Variants in ANKS1B observed in about 807,000 individuals in gnomAD.
The protein encoded by ANKS1B is ankyrin repeat and sterile alpha motif domain containing 1B.
ANKS1B carries 36 observed loss-of-function variants against 148.3 expected under a neutral mutation model. The observed-to-expected ratio is 0.24, with a 90% confidence interval of 0.19 to 0.32. The LOEUF (loss-of-function observed/expected upper bound fraction) is 0.32. Among genes scored for constraint, ANKS1B ranks in the 10% least tolerant of loss-of-function variants. The pLI is 1.00. For missense variants in ANKS1B, 1,157 were observed against 1,542.6 expected (o/e 0.75, Z 4.19); for synonymous variants, 542 against 560.8 (o/e 0.97, Z 0.47).
In ANKS1B at chr12:98,745,053, A is replaced by C; in HGVS notation, c.*686T>G. 5 of 985,286 alleles carry C rather than the reference A, an allele frequency of 5.1e-6. No individual in the cohort carries two copies. The highest frequency in any genetic ancestry group is 6.0e-6 in the Non-Finnish European group (5 of 829,398). The allele number at this position is 985,286 out of a possible 1,614,324, so 61.0% of individuals were successfully genotyped here. A position where few individuals can be genotyped will look rare whatever the true frequency, so the allele number is the denominator to read the frequency against. On this transcript the variant is annotated 3_prime_UTR_variant, in exon 27 of 27. Coordinates refer to ENST00000683438, the MANE Select transcript of ANKS1B (RefSeq NM_001352186.2). ...CATTCTTTTAATAAAAATATTTAAT[A>C]CAAGACACATTTTGCTGTGCATAAT...
At chr12:99,350,910 G>A (rs540092042) in intron 12 of ANKS1B, among the ~76,000 whole-genome samples, 1 of 151,966 alleles carries the variant, frequency 6.6e-6, no homozygotes, top group African/African-American at 2.4e-5. Context: ...TGTCTTAATA[G>A]CAATCACTCC....
intron 12 of ANKS1B, among the ~76,000 whole-genome samples, chr12:99,261,139 A>T (rs2153982093): frequency 6.6e-6 from 1 of 152,254 alleles, no homozygotes; most frequent in Admixed American, 6.5e-5. Context: ...AATCTACTCC[A>T]AATAGGCTTT....
chr12:98,779,547 A>G (rs1003123159), intron 24 of ANKS1B, among the ~76,000 whole-genome samples: 12 of 152,190 alleles, frequency 7.9e-5, no homozygotes, highest in African/African-American at 4.8e-5. Context: ...ATATACTGCT[A>G]TTCAAGCTTT....
chr12:99,607,301 T>A (rs1292063823), intron 9 of ANKS1B, among the ~76,000 whole-genome samples: 1 of 152,024 alleles, frequency 6.6e-6, no homozygotes, highest in Non-Finnish European at 1.5e-5. Context: ...CCCCCTAGCT[T>A]TGACCTACCA....
At chr12:99,369,784 AGATAGATG>A (rs1424024347) in intron 12 of ANKS1B, among the ~76,000 whole-genome samples, 12 of 144,280 alleles carry the variant, frequency 8.3e-5, no homozygotes, top group Non-Finnish European at 1.2e-4. Context: ...ATAGATAGAT[AGATAGATG>A]GACGGACGGA....
At position 98,917,584 on chromosome 12, in the gene ANKS1B, G is replaced by A. The variant is rs536491326; in HGVS notation, c.2779-85448C>T. Among the ~76,000 whole-genome samples, 9 of 152,318 alleles carry A rather than the reference G, an allele frequency of 5.9e-5. No homozygotes were observed. In the South Asian group the frequency reaches 1.7e-3, roughly 28 times the overall value. On this transcript the variant is annotated intron_variant, in intron 17 of 26. Coordinates refer to ENST00000683438, the MANE Select transcript of ANKS1B (RefSeq NM_001352186.2). ...GAAGCGTAAGACCACAAGATGAGAA[G>A]GCTTTTGCTTTGCTTTTTATTTTGT...
intron 17 of ANKS1B, among the ~76,000 whole-genome samples, chr12:98,966,856 A>G (rs1015137631): frequency 1.6e-5 from 2 of 124,376 alleles, no homozygotes; most frequent in Admixed American, 1.0e-4. Context: ...ACTTGGACAC[A>G]GGAAGGGGAA....
chr12:99,020,635 A>C (rs950708327), intron 17 of ANKS1B, among the ~76,000 whole-genome samples: 7 of 152,158 alleles, frequency 4.6e-5, no homozygotes, highest in African/African-American at 1.7e-4. Flanking sequence ...AAATTAATTT[A>C]TATTAAATTT....
chr12:98,887,112 T>C (rs545039560), intron 17 of ANKS1B, among the ~76,000 whole-genome samples: 103 of 152,268 alleles, frequency 6.8e-4, no homozygotes, highest in African/African-American at 2.4e-3. Context: ...GATTACAGAA[T>C]AGAAAGTAAA....
intron 19 of ANKS1B, among the ~76,000 whole-genome samples, chr12:98,822,746 G>C (rs1337011310): frequency 6.6e-6 from 1 of 152,154 alleles, no homozygotes; most frequent in African/African-American, 2.4e-5. Context: ...TAGGGCTGAC[G>C]GGTCTATCAG....
intron 12 of ANKS1B, among the ~76,000 whole-genome samples, chr12:99,319,575 C>A (rs1031386691): frequency 1.3e-5 from 2 of 152,154 alleles, no homozygotes; most frequent in African/African-American, 4.8e-5. Flanking sequence ...TGTGTCTCTG[C>A]ACGTGAGATG....
At chr12:99,932,884 C>A (rs887815611) in intron 1 of ANKS1B, among the ~76,000 whole-genome samples, 20 of 151,994 alleles carry the variant, frequency 1.3e-4, no homozygotes, top group African/African-American at 4.8e-4. Flanking sequence ...TTTCTTGTAC[C>A]AATTTCATAG....
intron 15 of ANKS1B, among the ~76,000 whole-genome samples, chr12:99,098,824 T>C (rs1034700148): frequency 7.3e-5 from 11 of 151,462 alleles, no homozygotes; most frequent in Non-Finnish European, 1.6e-4. Flanking sequence ...TCACTTGATC[T>C]GGCATCCCAC....
intron 1 of ANKS1B, among the ~76,000 whole-genome samples, chr12:99,941,668 T>TCGAAAAC: frequency 6.6e-6 from 1 of 152,158 alleles, no homozygotes; most frequent in Non-Finnish European, 1.5e-5. Context: ...GAAAAACTGA[T>TCGAAAAC]TGAAAACTGA....
intron 12 of ANKS1B, among the ~76,000 whole-genome samples, chr12:99,273,840 C>T (rs1050315247): frequency 6.6e-6 from 1 of 152,084 alleles, no homozygotes; most frequent in Admixed American, 6.5e-5. Context: ...CTGCCTCGGC[C>T]TCCCAAAGTG....
At chr12:99,341,395 C>T (rs1270212635) in intron 12 of ANKS1B, 1 of 152,046 alleles carries the variant, frequency 6.6e-6, no homozygotes, top group African/African-American at 2.4e-5. Context: ...CGCACACTAC[C>T]CGACTATTCT....
intron 14 of ANKS1B, among the ~76,000 whole-genome samples, chr12:99,223,716 G>A (rs1463122470): frequency 6.6e-6 from 1 of 152,108 alleles, no homozygotes; most frequent in Non-Finnish European, 1.5e-5. Context: ...GGAAATCTTT[G>A]GTCTAGATGA....
At chr12:99,928,099 C>A (rs2094517694) in intron 1 of ANKS1B, among the ~76,000 whole-genome samples, 1 of 151,902 alleles carries the variant, frequency 6.6e-6, no homozygotes, top group Non-Finnish European at 1.5e-5. Flanking sequence ...TATTCATACA[C>A]ATGAAAGATA....
At chr12:99,120,596 A>G (rs1230784594) in intron 15 of ANKS1B, among the ~76,000 whole-genome samples, 1 of 152,248 alleles carries the variant, frequency 6.6e-6, no homozygotes, top group East Asian at 1.9e-4. Context: ...ATTCTTATTG[A>G]GATGAAAAGA....
Sources: allele counts gnomAD v4.1 joint callset (sites outside exome capture counted in the v4.1 genomes callset), GRCh38; gene constraint gnomAD v4.1.1; transcripts MANE v1.5; gene names NCBI Gene and HGNC (gene_info 2026-07-23, HGNC 2026-07-21).